The following PHACTR1 variants were observed in gnomAD, a reference collection of about 807,000 sequenced individuals.
The protein encoded by PHACTR1 is phosphatase and actin regulator 1, also known as RPEL repeat containing 1.
In PHACTR1, 16 loss-of-function variants were observed where a neutral mutation model predicts 69.2. That is an observed-to-expected ratio of 0.23 (90% CI 0.16 to 0.35). The LOEUF is 0.35. Among genes scored for constraint, PHACTR1 ranks in the 10% least tolerant of loss-of-function variants. The pLI, the probability that PHACTR1 is intolerant of heterozygous loss-of-function variation, is 1.00. For missense variants in PHACTR1, 510 were observed against 734.7 expected (o/e 0.69, Z 3.54); for synonymous variants, 312 against 284.5 (o/e 1.10, Z -0.97).
chr6:12,779,115 C>T (rs1770475718), intron 4 of PHACTR1, among the ~76,000 whole-genome samples: 1 of 152,174 alleles, frequency 6.6e-6, no homozygotes, highest in African/African-American at 2.4e-5. Flanking sequence ...GCTGGCGGGT[C>T]ACCTGAGGTC....
intron 4 of PHACTR1, among the ~76,000 whole-genome samples, chr6:12,760,537 A>G (rs537788073): frequency 2.0e-4 from 30 of 152,272 alleles, no homozygotes; most frequent in Middle Eastern, 6.8e-3. Flanking sequence ...AGAGAAAGAG[A>G]TACAGGGAGA....
At chr6:13,114,901 A>T (rs576403027) in intron 5 of PHACTR1, among the ~76,000 whole-genome samples, 4 of 152,376 alleles carry the variant, frequency 2.6e-5, no homozygotes, top group African/African-American at 9.6e-5. Context: ...CACTTACTAT[A>T]TCCCAGACTT....
intron 4 of PHACTR1, among the ~76,000 whole-genome samples, chr6:13,029,368 A>G (rs1802136731): frequency 6.6e-6 from 1 of 152,212 alleles, no homozygotes. Context: ...TTCATCTCGC[A>G]GCATCAGCCG....
At position 13,135,355 on chromosome 6, in the gene PHACTR1, GTCCCCAGCTGCCC is replaced by G. The variant is rs1418478851; in HGVS notation, c.416-24847_416-24835del. On this transcript the variant is annotated intron_variant, in intron 5 of 14. Transcript: ENST00000332995. ...CCCTGTCATTCTGGGAGCCCTGTGC[GTCCCCAGCTGCCC>G]TGCGGAGTCGCTGTTAGACATTGTA... 4.6e-5 allele frequency among the ~76,000 whole-genome samples: 7 copies of G among 152,294 alleles called. No homozygotes were observed. The East Asian group carries it at 9.7e-4, about 21-fold the overall frequency.
intron 5 of PHACTR1, among the ~76,000 whole-genome samples, chr6:13,077,367 A>G (rs1408370896): frequency 2.0e-5 from 3 of 152,166 alleles, no homozygotes; most frequent in Non-Finnish European, 4.4e-5. Flanking sequence ...ATTGTACTCC[A>G]GGGCCTGCAC....
At chr6:13,257,328 C>G (rs1417153970) in intron 10 of PHACTR1, among the ~76,000 whole-genome samples, 1 of 152,212 alleles carries the variant, frequency 6.6e-6, no homozygotes, top group Non-Finnish European at 1.5e-5. Flanking sequence ...TCCCACCAGG[C>G]TGCACCTCCA....
chr6:13,253,055 GCC>G (rs748328787), intron 10 of PHACTR1: 9 of 454,814 alleles, frequency 2.0e-5, no homozygotes, highest in South Asian at 1.1e-4. Flanking sequence ...AATAGCTGTG[GCC>G]CCACTGAATG....
intron 5 of PHACTR1, among the ~76,000 whole-genome samples, chr6:13,092,830 G>C (rs949033480): frequency 2.0e-4 from 30 of 152,368 alleles, no homozygotes; most frequent in Middle Eastern, 3.4e-3. Context: ...CTTTGCTATA[G>C]AACATGGATG....
chr6:12,998,681 G>A (rs1018152354), intron 4 of PHACTR1, among the ~76,000 whole-genome samples: 1 of 151,184 alleles, frequency 6.6e-6, no homozygotes, highest in Non-Finnish European at 1.5e-5. Flanking sequence ...TCAACAATTG[G>A]TAAGTTTAAA....
intron 5 of PHACTR1, among the ~76,000 whole-genome samples, chr6:13,108,934 A>G (rs11961768): frequency 0.036 from 5,546 of 152,062 alleles, 310 homozygotes; most frequent in African/African-American, 0.12. Flanking sequence ...TTTTTTTAAA[A>G]AACATTTTAT....
chr6:12,846,561 A>T (rs1779280511), intron 4 of PHACTR1, among the ~76,000 whole-genome samples: 1 of 152,130 alleles, frequency 6.6e-6, no homozygotes, highest in Non-Finnish European at 1.5e-5. Context: ...TACAAACCAA[A>T]CCAGATTTCT....
chr6:12,971,546 GAAATGTCC>G (rs755878493), intron 4 of PHACTR1, among the ~76,000 whole-genome samples: 86 of 152,280 alleles, frequency 5.6e-4, no homozygotes, highest in Admixed American at 1.7e-3. Context: ...CCATGTATAC[GAAATGTCC>G]AAAAAGACAA....
At chr6:12,740,730 C>CT (rs982975515) in intron 3 of PHACTR1, among the ~76,000 whole-genome samples, 2 of 150,972 alleles carry the variant, frequency 1.3e-5, no homozygotes, top group Non-Finnish European at 1.5e-5. Flanking sequence ...CATTTTTTTT[C>CT]TTTTTTTTAA....
Position 12,935,908 on chromosome 6 carries a change from C to T in PHACTR1, c.251-117457C>T, listed in dbSNP as rs190320157. Reference sequence around the variant, plus strand: ...AATCTGTTAGTCCTGTGCATTGAACCGGGCAGTCATCTCATGGCTGGGAGG... The same window carrying T: ...AATCTGTTAGTCCTGTGCATTGAACTGGGCAGTCATCTCATGGCTGGGAGG... On this transcript the variant is annotated intron_variant, in intron 4 of 14. Transcript: ENST00000332995. 2.6e-3 allele frequency among the ~76,000 whole-genome samples: 389 copies of T among 152,120 alleles called. 3 individuals are homozygous for T. The highest frequency in any genetic ancestry group is 8.6e-3 in the African/African-American group (358 of 41,514).
rs11965994 is a variant in PHACTR1, at chr6:13,117,382, G to T, written c.416-42822G>T. 8.1e-3 allele frequency among the ~76,000 whole-genome samples: 1,228 copies of T among 152,242 alleles called. 14 individuals are homozygous for T. The highest frequency in any genetic ancestry group is 0.026 in the African/African-American group (1,084 of 41,538). On this transcript the variant is annotated intron_variant, in intron 5 of 14. Transcript: ENST00000332995. Reference sequence around the variant, plus strand: ...TTGAAACTTGGGCTCTTTTTCAGTAGTGATGTCATATGGATTTGTTTGGGA... The same window carrying T: ...TTGAAACTTGGGCTCTTTTTCAGTATTGATGTCATATGGATTTGTTTGGGA...
chr6:12,892,095 G>T (rs1582325174), intron 4 of PHACTR1, among the ~76,000 whole-genome samples: 1 of 150,238 alleles, frequency 6.7e-6, no homozygotes, highest in African/African-American at 2.4e-5. Flanking sequence ...GTGATATTGT[G>T]CTCCTCATGA....
intron 5 of PHACTR1, among the ~76,000 whole-genome samples, chr6:13,141,778 T>G (rs1822529253): frequency 6.7e-6 from 1 of 148,732 alleles, no homozygotes; most frequent in Admixed American, 6.9e-5. Context: ...TCAATTGCAG[T>G]TAGGGTAAAC....
intron 7 of PHACTR1, among the ~76,000 whole-genome samples, chr6:13,203,580 C>T (rs1765520786): frequency 2.6e-5 from 4 of 152,136 alleles, no homozygotes; most frequent in Admixed American, 2.6e-4. Context: ...ACTCTCTTTC[C>T]ACAGAGTGGG....
rs556160068 is a variant in PHACTR1 at position 13,068,902 on chromosome 6, C to T, written c.415+15373C>T. On this transcript the variant is annotated intron_variant, in intron 5 of 14. Transcript: ENST00000332995. ...AAATAGAAGGTACTAAATGGAGCGA[C>T]CTTCTACTTTACGTTCCAAACCTGG... 1.4e-3 allele frequency among the ~76,000 whole-genome samples: 215 copies of T among 152,202 alleles called. 1 individual carries two copies. The highest frequency in any genetic ancestry group is 2.3e-3 in the Non-Finnish European group (155 of 68,006).
Sources: gnomAD v4.1 joint callset for allele counts (sites outside exome capture counted in the v4.1 genomes callset) on GRCh38, gnomAD v4.1.1 for gene constraint, MANE v1.5 for transcripts, NCBI Gene and HGNC (gene_info 2026-07-23, HGNC 2026-07-21) for gene names.